The following ZMAT4 variants were observed in gnomAD, a reference collection of about 807,000 sequenced individuals.
ZMAT4 encodes zinc finger matrin-type protein 4.
Under a neutral mutation model 28.7 loss-of-function variants are expected in ZMAT4, and 17 were observed. The observed-to-expected ratio is 0.59, with a 90% CI of 0.41 to 0.89. ZMAT4 has a LOEUF of 0.89. Ranked by LOEUF, ZMAT4 falls within the 40% of genes least tolerant of loss-of-function variation. The probability of loss-of-function intolerance (pLI) is 0.00; values close to 1 mark genes in which losing one functional copy is unlikely to be tolerated. For synonymous variants in ZMAT4, 117 were observed against 109.2 expected, an observed-to-expected ratio of 1.07 and a Z score of -0.44; for missense variants, 240 against 283.8, an observed-to-expected ratio of 0.85 and a Z score of 1.11.
intron 6 of ZMAT4, among the ~76,000 whole-genome samples, chr8:40,541,983 C>T (rs138733933): frequency 7.9e-5 from 12 of 152,242 alleles, no homozygotes; most frequent in South Asian, 2.1e-4. Context: ...AGCTGGCCCT[C>T]GGGCAGAGTG....
At chr8:40,796,213 C>A (rs1441876426) in intron 2 of ZMAT4, among the ~76,000 whole-genome samples, 1 of 152,216 alleles carries the variant, frequency 6.6e-6, no homozygotes, top group African/African-American at 2.4e-5. Flanking sequence ...ATGCACCTAA[C>A]AGCAGGCTCC....
chr8:40,629,579 C>T (rs1248729288), intron 5 of ZMAT4, among the ~76,000 whole-genome samples: 1 of 141,438 alleles, frequency 7.1e-6, no homozygotes, highest in Non-Finnish European at 1.5e-5. Flanking sequence ...ACAACAGGCC[C>T]CGGTGTGTGA....
At chr8:40,620,004 A>G (rs1004733183) in intron 5 of ZMAT4, among the ~76,000 whole-genome samples, 6 of 152,354 alleles carry the variant, frequency 3.9e-5, no homozygotes, top group African/African-American at 1.2e-4. Context: ...CAGTAGAAAC[A>G]TTCAGCTCCA....
chr8:40,654,687 T>G (rs1305482231), intron 5 of ZMAT4, among the ~76,000 whole-genome samples: 1 of 152,120 alleles, frequency 6.6e-6, no homozygotes, highest in Non-Finnish European at 1.5e-5. Flanking sequence ...ATTCATGGAA[T>G]AAATTAAAGA....
At chr8:40,795,660 G>C (rs564876729) in intron 2 of ZMAT4, among the ~76,000 whole-genome samples, 1 of 152,136 alleles carries the variant, frequency 6.6e-6, no homozygotes, top group Non-Finnish European at 1.5e-5. Context: ...AGGAACTCAG[G>C]ATATAAACTT....
intron 5 of ZMAT4, among the ~76,000 whole-genome samples, chr8:40,631,249 T>C (rs1041078747): frequency 3.3e-5 from 5 of 152,162 alleles, no homozygotes; most frequent in African/African-American, 1.2e-4. Context: ...TTCGGCTCAC[T>C]GCAACCTCTG....
intron 1 of ZMAT4, among the ~76,000 whole-genome samples, chr8:40,877,114 G>A (rs558835626): frequency 6.6e-6 from 1 of 152,324 alleles, no homozygotes; most frequent in South Asian, 2.1e-4. Flanking sequence ...TCTGGACACA[G>A]TGACAGACAC....
chr8:40,716,168 C>T (rs1263721695), intron 3 of ZMAT4, among the ~76,000 whole-genome samples: 1 of 152,184 alleles, frequency 6.6e-6, no homozygotes, highest in Non-Finnish European at 1.5e-5. Context: ...ATTCATGATA[C>T]GCAGAAAAGA....
chr8:40,541,301 G>A (rs1046063243), intron 6 of ZMAT4, among the ~76,000 whole-genome samples: 1 of 152,064 alleles, frequency 6.6e-6, no homozygotes. Flanking sequence ...AGTAGCCCTG[G>A]TTTTACCTGT....
At chr8:40,774,235 G>C (rs1356148456) in intron 2 of ZMAT4, among the ~76,000 whole-genome samples, 1 of 152,130 alleles carries the variant, frequency 6.6e-6, no homozygotes, top group East Asian at 1.9e-4. Context: ...ATAGAAATAG[G>C]AATTGTAGAA....
At chr8:40,814,000 G>A (rs1413476176) in intron 2 of ZMAT4, among the ~76,000 whole-genome samples, 1 of 152,222 alleles carries the variant, frequency 6.6e-6, no homozygotes, top group Admixed American at 6.5e-5. Flanking sequence ...AGGTCGGGGA[G>A]CAGGGGGCTG....
At chr8:40,677,865 T>C (rs1330907243) in intron 4 of ZMAT4, among the ~76,000 whole-genome samples, 1 of 152,210 alleles carries the variant, frequency 6.6e-6, no homozygotes, top group Non-Finnish European at 1.5e-5. Context: ...ATTAACTAAA[T>C]ATTTACTTTA....
chr8:40,699,040 C>G (rs1363491103), intron 3 of ZMAT4, among the ~76,000 whole-genome samples: 1 of 152,092 alleles, frequency 6.6e-6, no homozygotes, highest in African/African-American at 2.4e-5. Flanking sequence ...ACTTTTAGTT[C>G]TGTGTGGAAT....
At chr8:40,676,110 A>G (rs1247499255) in intron 4 of ZMAT4, among the ~76,000 whole-genome samples, 1 of 152,168 alleles carries the variant, frequency 6.6e-6, no homozygotes, top group Non-Finnish European at 1.5e-5. Context: ...CTTTTATCCC[A>G]TTTCTCAGAT....
intron 4 of ZMAT4, among the ~76,000 whole-genome samples, chr8:40,686,187 A>G (rs1280676146): frequency 2.6e-5 from 4 of 152,096 alleles, no homozygotes; most frequent in Admixed American, 1.3e-4. Flanking sequence ...TTTTATTAAG[A>G]TGTATTAATT....
chr8:40,600,618 T>G (rs1393535133), intron 5 of ZMAT4, among the ~76,000 whole-genome samples: 1 of 152,210 alleles, frequency 6.6e-6, no homozygotes, highest in Non-Finnish European at 1.5e-5. Flanking sequence ...TGAGTCACAC[T>G]TGCTATAATC....
chr8:40,862,044 G>T (rs570585194), intron 1 of ZMAT4, among the ~76,000 whole-genome samples: 1 of 152,268 alleles, frequency 6.6e-6, no homozygotes, highest in Admixed American at 6.5e-5. Flanking sequence ...TAGAAATACC[G>T]TAAGACCCAG....
intron 1 of ZMAT4, among the ~76,000 whole-genome samples, chr8:40,838,752 G>C (rs1316654475): frequency 1.3e-5 from 2 of 152,140 alleles, no homozygotes; most frequent in Non-Finnish European, 2.9e-5. Context: ...CATCAGGGAA[G>C]AGCTGGAAGG....
chr8:40,539,199 A>G (rs1802948536), intron 6 of ZMAT4, among the ~76,000 whole-genome samples: 1 of 152,044 alleles, frequency 6.6e-6, no homozygotes, highest in Non-Finnish European at 1.5e-5. Flanking sequence ...GTGTCTCTCT[A>G]TTTGTGTATT....
Sources: gnomAD v4.1 joint callset for allele counts (sites outside exome capture counted in the v4.1 genomes callset) on GRCh38, gnomAD v4.1.1 for gene constraint, MANE v1.5 for transcripts, NCBI Gene and HGNC (gene_info 2026-07-23, HGNC 2026-07-21) for gene names.